Variants in BTAF1 observed in about 807,000 individuals in gnomAD.
BTAF1 encodes the protein TATA-binding protein-associated factor 172.
Under a neutral mutation model 227.1 loss-of-function variants are expected in BTAF1, and 38 were observed. That is an observed-to-expected ratio of 0.17 (90% CI 0.13 to 0.22). The LOEUF (loss-of-function observed/expected upper bound fraction) is 0.22, where lower values mean the gene tolerates loss of function less well. BTAF1 is among the 10% of genes least tolerant of loss of function. BTAF1 has a pLI of 1.00. For synonymous variants in BTAF1, 742 were observed against 751.9 expected, an observed-to-expected ratio of 0.99 and a Z score of 0.21; for missense variants, 1,598 against 2,204.0, an observed-to-expected ratio of 0.73 and a Z score of 5.51.
Position 91,952,144 on chromosome 10 carries a change from ATG to A in BTAF1, c.564+592_564+593del, listed in dbSNP as rs537285079. On this transcript the variant is annotated intron_variant, in intron 5 of 37. Transcript: ENST00000265990. ...TGTTTGTGTGTGTGTATATATGTAT[ATG>A]TGTGTGTGTGTGTTTGTGTGTGTGT... is the stretch of plus-strand genomic sequence containing the variant. 2.0e-3 allele frequency among the ~76,000 whole-genome samples: 293 copies of A among 149,028 alleles called. 1 individual carries two copies. The highest frequency in any genetic ancestry group is 5.1e-3 in the African/African-American group (204 of 39,970).
intron 34 of BTAF1, among the ~76,000 whole-genome samples, chr10:92,021,869 C>G (rs573716719): frequency 2.5e-4 from 38 of 152,136 alleles, no homozygotes; most frequent in Non-Finnish European, 5.0e-4. Flanking sequence ...ATAGTTTTGA[C>G]CACTACAAGT....
chr10:91,980,700 T>C (rs1434248616), intron 15 of BTAF1, 142 bp downstream of exon 15: 12 of 650,548 alleles, frequency 1.8e-5, no homozygotes, highest in Non-Finnish European at 2.7e-5. Context: ...GACAGAGAAC[T>C]AGGCTTCTTA....
At chr10:91,927,947 C>G in intron 1 of BTAF1, among the ~76,000 whole-genome samples, 1 of 145,632 alleles carries the variant, frequency 6.9e-6, no homozygotes, top group Non-Finnish European at 1.5e-5. Flanking sequence ...CAGTGTTTTT[C>G]AGTGAGTACT....
intron 35 of BTAF1, among the ~76,000 whole-genome samples, 182 bp downstream of exon 35, chr10:92,025,149 T>TGCTTA (rs1851410106): frequency 1.3e-5 from 2 of 152,306 alleles, no homozygotes; most frequent in African/African-American, 4.8e-5. Context: ...ATAGATTATT[T>TGCTTA]GCTTAGCATA....
intron 25 of BTAF1, among the ~76,000 whole-genome samples, chr10:92,002,886 A>G (rs1275188541): frequency 6.6e-6 from 1 of 152,118 alleles, no homozygotes; most frequent in Admixed American, 6.6e-5. Context: ...GTGGCTGAGC[A>G]TGGTGGCTCA....
intron 20 of BTAF1, among the ~76,000 whole-genome samples, chr10:91,991,267 T>TAG (rs1379724399): frequency 1.2e-5 from 1 of 81,558 alleles, no homozygotes; most frequent in Non-Finnish European, 3.1e-5. Flanking sequence ...TAAATATAAA[T>TAG]ATAAATATAT....
intron 2 of BTAF1, among the ~76,000 whole-genome samples, chr10:91,938,067 A>G (rs926342008): frequency 2.6e-5 from 4 of 152,186 alleles, no homozygotes; most frequent in African/African-American, 9.7e-5. Context: ...TCTTAGCCAA[A>G]AAGCAGAGAA....
chr10:92,021,203 G>GGA (rs1851097370), intron 34 of BTAF1, among the ~76,000 whole-genome samples: 1 of 152,218 alleles, frequency 6.6e-6, no homozygotes, highest in African/African-American at 2.4e-5. Context: ...GTAGTGCTGG[G>GGA]AGAAGTATCT....
intron 1 of BTAF1, among the ~76,000 whole-genome samples, chr10:91,934,538 T>C (rs907579433): frequency 9.2e-5 from 14 of 152,214 alleles, no homozygotes; most frequent in Middle Eastern, 3.4e-3. Context: ...CAGCTGAGTT[T>C]CCTCCCATTT....
chr10:91,982,414 A>G (rs1425669120), intron 17 of BTAF1, 173 bp from the exon 18 acceptor site: 2 of 1,059,026 alleles, frequency 1.9e-6, no homozygotes, highest in African/African-American at 3.2e-5. Flanking sequence ...AATAGGATTT[A>G]TATCTTCTTA....
chr10:92,027,247 A>G lies in BTAF1; in HGVS notation c.5353A>G (p.Ser1785Gly), dbSNP rs1399492682. Residue 1785 changes from serine (S) to glycine (G), a missense_variant, in exon 37 of 38, where the codon AGT becomes GGT. Ser to Gly is a moderately conservative substitution (Grantham distance 56). Transcript: ENST00000265990. Reference protein sequence around the residue: ...ANTVISQENSSLQSMGTDQLL... With the variant: ...ANTVISQENSGLQSMGTDQLL... ...TACTGTTATTAGCCAAGAGAATTCT[A>G]GTTTGCAGAGCATGGGGACTGATCA... 1 of 1,613,926 alleles carries G rather than the reference A, an allele frequency of 6.2e-7. No individual in the cohort carries two copies. Among genetic ancestry groups the G allele is most frequent in the Non-Finnish European group, 8.5e-7 (1 of 1,179,956 alleles).
At chr10:91,926,554 G>A (rs1241710628) in intron 1 of BTAF1, among the ~76,000 whole-genome samples, 1 of 152,088 alleles carries the variant, frequency 6.6e-6, no homozygotes, top group East Asian at 1.9e-4. Flanking sequence ...CCTAGAACAT[G>A]CCACCATCTC....
chr10:91,968,487 A>G (rs1396448095), intron 14 of BTAF1, among the ~76,000 whole-genome samples: 1 of 152,206 alleles, frequency 6.6e-6, no homozygotes, highest in Non-Finnish European at 1.5e-5. Flanking sequence ...ATTATGAATA[A>G]AATTGTTACA....
chr10:91,981,329 A>G (rs906232676), intron 15 of BTAF1, among the ~76,000 whole-genome samples: 2 of 152,166 alleles, frequency 1.3e-5, no homozygotes, highest in East Asian at 1.9e-4. Context: ...GAGTCTTATG[A>G]TATATGCAAA....
At chr10:91,968,177 A>G (rs1477185902) in intron 14 of BTAF1, among the ~76,000 whole-genome samples, 2 of 152,132 alleles carry the variant, frequency 1.3e-5, no homozygotes, top group Non-Finnish European at 2.9e-5. Flanking sequence ...ACTATCCCCA[A>G]AATCCCCTGT....
chr10:91,925,899 T>C (rs554016783), intron 1 of BTAF1, among the ~76,000 whole-genome samples: 4 of 152,212 alleles, frequency 2.6e-5, no homozygotes, highest in Non-Finnish European at 5.9e-5. Context: ...TTCTGGATGT[T>C]GTGTTTCAAA....
At chr10:92,018,749 T>C in intron 33 of BTAF1, 34 bp from the exon 34 acceptor site, 2 of 1,410,718 alleles carry the variant, frequency 1.4e-6, no homozygotes, top group South Asian at 1.7e-5. Context: ...ATATGCGAAA[T>C]TGACTCATAT....
In BTAF1 at chr10:91,966,733, T is replaced by G; in HGVS notation, c.1626T>G (p.Phe542Leu). 2 of 1,613,972 alleles carry G rather than the reference T, an allele frequency of 1.2e-6. No homozygotes were observed. The highest frequency in any genetic ancestry group is 1.7e-6 in the Non-Finnish European group (2 of 1,179,904). Residue 542 changes from phenylalanine to leucine, a missense_variant, in exon 14 of 38, where the codon TTT becomes TTG. Physicochemically the swap from Phe to Leu is conservative, Grantham distance 22. Coordinates refer to ENST00000265990, the MANE Select transcript of BTAF1 (RefSeq NM_003972.3). ...GAAGAGCAGCATTGGAAACTCTGTTTACGTTATTATCAACACAGGACCAGG... is the reference window on the plus strand; with the variant it reads ...GAAGAGCAGCATTGGAAACTCTGTTGACGTTATTATCAACACAGGACCAGG... ...SVRRAALETL[F>L]TLLSTQDQNS...
chr10:91,980,837 T>C (rs923370487), intron 15 of BTAF1, among the ~76,000 whole-genome samples: 5 of 152,200 alleles, frequency 3.3e-5, no homozygotes, highest in Admixed American at 2.6e-4. Flanking sequence ...AAAGATTGCT[T>C]TTCTCTAGCC....
Sources: gnomAD v4.1 joint callset for allele counts (sites outside exome capture counted in the v4.1 genomes callset) on GRCh38, gnomAD v4.1.1 for gene constraint, MANE v1.5 for transcripts, NCBI Gene and HGNC (gene_info 2026-07-23, HGNC 2026-07-21) for gene names.